Variants in PIWIL1 observed in about 807,000 individuals in gnomAD.
PIWIL1 encodes the protein piwi like RNA-mediated gene silencing 1.
In PIWIL1, 73 loss-of-function variants were observed where a neutral mutation model predicts 114.4. The observed-to-expected ratio is 0.64, with a 90% CI of 0.53 to 0.78. The LOEUF (loss-of-function observed/expected upper bound fraction) is 0.78. Among genes scored for constraint, PIWIL1 ranks in the 30% least tolerant of loss-of-function variants. The pLI, the probability that PIWIL1 is intolerant of heterozygous loss-of-function variation, is 0.00. For missense variants in PIWIL1, 723 were observed against 1,063.1 expected, an observed-to-expected ratio of 0.68 and a Z score of 4.45; for synonymous variants, 375 against 369.0, an observed-to-expected ratio of 1.02 and a Z score of -0.19.
intron 18 of PIWIL1, among the ~76,000 whole-genome samples, chr12:130,365,969 A>G (rs936071312): frequency 6.6e-6 from 1 of 152,238 alleles, no homozygotes; most frequent in African/African-American, 2.4e-5. Context: ...ATTTCTGAAG[A>G]TGTCCTCTGC....
chr12:130,404,717 A>G, the PIWIL1 span, among the ~76,000 whole-genome samples: 1 of 152,228 alleles, frequency 6.6e-6, no homozygotes, highest in East Asian at 1.9e-4. Context: ...ATTGAAAGAC[A>G]ATATTATGTC....
the PIWIL1 span, among the ~76,000 whole-genome samples, chr12:130,393,593 A>C: frequency 6.6e-6 from 1 of 152,250 alleles, no homozygotes; most frequent in African/African-American, 2.4e-5. Flanking sequence ...TGTGTGTGTC[A>C]GTTACCTGGT....
chr12:130,422,178 A>G, the PIWIL1 span, among the ~76,000 whole-genome samples: 2 of 152,188 alleles, frequency 1.3e-5, no homozygotes, highest in Admixed American at 6.5e-5. This position sits in a 1 kb window ranked among gnomAD's most constrained non-coding sequence, Gnocchi z 5.2. Context: ...GAGGTGACAC[A>G]AAGTGGTCCC....
intron 1 of PIWIL1, 37 bp downstream of exon 1, chr12:130,338,183 C>T (rs941720581): frequency 6.1e-6 from 2 of 325,978 alleles, no homozygotes; most frequent in Non-Finnish European, 1.2e-5. Flanking sequence ...TGTGCGGGGG[C>T]CGGGATGCGG....
the PIWIL1 span, among the ~76,000 whole-genome samples, chr12:130,401,812 A>G: frequency 6.6e-6 from 1 of 152,140 alleles, no homozygotes; most frequent in African/African-American, 2.4e-5. Context: ...CCAGCCTTAG[A>G]AAAGATTCTT....
chr12:130,382,800 A>C, the PIWIL1 span, among the ~76,000 whole-genome samples: 2 of 152,198 alleles, frequency 1.3e-5, no homozygotes, highest in Non-Finnish European at 2.9e-5. Flanking sequence ...ACCTGGGTTG[A>C]ATTTTTGCCT....
rs868574582 is a variant in PIWIL1 at position 130,355,613 on chromosome 12, G to A, written c.1350G>A (p.Leu450=). 4 of 1,614,100 alleles carry A rather than the reference G, an allele frequency of 2.5e-6. No individual in the cohort carries two copies. Among genetic ancestry groups the A allele is most frequent in the Non-Finnish European group, 3.4e-6 (4 of 1,180,028 alleles). The stretch of plus-strand genomic sequence containing the variant: ...GTTTGAGCTTTGATTCCAACTTACT[G>A]TCCTTCTCAGGAAGAATTTTGCAAA... ...DWGLSFDSNL[L]SFSGRILQTE... The change falls in exon 12 of 21, where the codon CTG becomes CTA. Residue 450 remains leucine, a synonymous_variant. Coordinates refer to ENST00000245255, the MANE Select transcript of PIWIL1 (RefSeq NM_004764.5).
the PIWIL1 span, chr12:130,424,823 G>A: frequency 8.1e-7 from 1 of 1,232,604 alleles, no homozygotes; most frequent in East Asian, 3.2e-5. The surrounding 1 kb of genome is among the most constrained non-coding windows in gnomAD (Gnocchi z 9.8). Context: ...GCTGCTCCCA[G>A]AAAGTGCCTT....
the PIWIL1 span, among the ~76,000 whole-genome samples, chr12:130,407,442 C>T: frequency 6.6e-6 from 1 of 152,180 alleles, no homozygotes; most frequent in Non-Finnish European, 1.5e-5. Flanking sequence ...GGTGGCATCA[C>T]CATTAGATGT....
the PIWIL1 span, chr12:130,425,094 G>GGCCGGGCAGGAGCCAGCGC: frequency 3.1e-4 from 119 of 378,270 alleles, no homozygotes; most frequent in Non-Finnish European, 4.8e-4. Flanking sequence ...AGAGCCAGCG[G>GGCCGGGCAGGAGCCAGCGC]GCCGGGCAGG....
the PIWIL1 span, among the ~76,000 whole-genome samples, chr12:130,404,304 TTTTG>T: frequency 6.6e-6 from 1 of 152,180 alleles, no homozygotes; most frequent in Admixed American, 6.5e-5. Context: ...TATAATTCCT[TTTTG>T]TTTGTTTTTG....
the PIWIL1 span, among the ~76,000 whole-genome samples, chr12:130,393,895 G>A: frequency 1.4e-3 from 219 of 152,250 alleles, 1 homozygote; most frequent in African/African-American, 5.2e-3. Context: ...GCGGTTTCAT[G>A]TTTGGCTTTT....
chr12:130,351,260 G>T (rs997406520), intron 9 of PIWIL1: 2 of 152,176 alleles, frequency 1.3e-5, no homozygotes, highest in African/African-American at 4.8e-5. Flanking sequence ...TCCCTGACTG[G>T]TACTGAGTGT....
At chr12:130,355,914 C>A (rs2073352197) in intron 12 of PIWIL1, among the ~76,000 whole-genome samples, 1 of 152,150 alleles carries the variant, frequency 6.6e-6, no homozygotes, top group East Asian at 1.9e-4. Context: ...TCTCTATCAA[C>A]CCACATGAAC....
chr12:130,423,419 T>G, the PIWIL1 span, among the ~76,000 whole-genome samples: 2 of 152,202 alleles, frequency 1.3e-5, no homozygotes, highest in Non-Finnish European at 2.9e-5. Flanking sequence ...CCTGGCGCCA[T>G]GTGGATGGCT....
At chr12:130,409,881 G>GT in the PIWIL1 span, among the ~76,000 whole-genome samples, 2 of 152,194 alleles carry the variant, frequency 1.3e-5, no homozygotes, top group Admixed American at 6.5e-5. Flanking sequence ...GTGTGTGAAC[G>GT]TAAGTTTCCC....
chr12:130,367,623 C>T (rs1178079538), intron 19 of PIWIL1, among the ~76,000 whole-genome samples: 1 of 152,182 alleles, frequency 6.6e-6, no homozygotes, highest in African/African-American at 2.4e-5. Flanking sequence ...ACTTAGTTGT[C>T]TAAAGGTCAA....
At chr12:130,377,337 T>C (rs764943000), downstream of PIWIL1, among the ~76,000 whole-genome samples, 1 of 152,196 alleles carries the variant, frequency 6.6e-6, no homozygotes, top group African/African-American at 2.4e-5. Flanking sequence ...GTTGAAGGGC[T>C]CTGCCCCAAC....
chr12:130,378,964 A>G, the PIWIL1 span, among the ~76,000 whole-genome samples: 1 of 152,214 alleles, frequency 6.6e-6, no homozygotes, highest in Non-Finnish European at 1.5e-5. Flanking sequence ...TTCAAAGTCC[A>G]CTGATGGGGG....
Sources: allele counts gnomAD v4.1 joint callset (sites outside exome capture counted in the v4.1 genomes callset), GRCh38; gene constraint gnomAD v4.1.1; non-coding constraint Gnocchi (gnomAD v3.1); transcripts MANE v1.5; gene names NCBI Gene and HGNC (gene_info 2026-07-23, HGNC 2026-07-21).